SCD5: variants seen among roughly 807,000 people sequenced by gnomAD.
SCD5 encodes the protein acyl-CoA-desaturase 4.
A neutral mutation model predicts 30.4 loss-of-function variants in SCD5; 20 were observed. That is an observed-to-expected ratio of 0.66 (90% CI 0.46 to 0.96). The LOEUF is 0.96. Among genes scored for constraint, SCD5 ranks in the 40% least tolerant of loss-of-function variants. SCD5 has a pLI of 0.00. For missense variants in SCD5, 381 were observed against 443.3 expected, an observed-to-expected ratio of 0.86 and a Z score of 1.26; for synonymous variants, 173 against 176.4, an observed-to-expected ratio of 0.98 and a Z score of 0.16.
chr4:82,661,162 T>C (rs1727996573), intron 3 of SCD5: 3 of 1,197,990 alleles, frequency 2.5e-6, no homozygotes, highest in African/African-American at 3.0e-5. Context: ...CCTGTAGAAA[T>C]TGTGTCAATA....
At chr4:82,683,687 G>A (rs1728629809) in intron 2 of SCD5, among the ~76,000 whole-genome samples, 2 of 152,212 alleles carry the variant, frequency 1.3e-5, no homozygotes, top group African/African-American at 2.4e-5. Context: ...TTGAGGGAAG[G>A]ACCTGGTGGG....
At chr4:82,645,228 C>T (rs778504064) in intron 3 of SCD5, among the ~76,000 whole-genome samples, 1 of 151,722 alleles carries the variant, frequency 6.6e-6, no homozygotes, top group Non-Finnish European at 1.5e-5. Flanking sequence ...GCAGTAGGAT[C>T]GCTTGAACCC....
At chr4:82,738,926 C>T (rs1720810771) in intron 1 of SCD5, among the ~76,000 whole-genome samples, 1 of 152,170 alleles carries the variant, frequency 6.6e-6, no homozygotes, top group African/African-American at 2.4e-5. Context: ...GCCAAGATCA[C>T]CCAGCTAGTA....
At chr4:82,685,488 G>A (rs1379411161) in intron 2 of SCD5, among the ~76,000 whole-genome samples, 1 of 152,110 alleles carries the variant, frequency 6.6e-6, no homozygotes, top group African/African-American at 2.4e-5. Context: ...CGAGGTGGGC[G>A]AACCACCTGA....
Position 82,680,910 on chromosome 4 carries a change from A to G in SCD5, c.366T>C (p.Asn122=). Residue 122 remains asparagine (N), a splice_region_variant and synonymous_variant, in exon 3 of 5, where the codon AAT becomes AAC. Transcript: ENST00000319540. ...LAVANSMAFQ[N]DIFEWSRDHR... is the part of the protein sequence containing the mutation. Reference sequence around the variant, plus strand: ...GGTCCCTGGACCACTCGAAGATGTCATTCTGCAGAGAGAATGAGAGCCTGA... The same window carrying G: ...GGTCCCTGGACCACTCGAAGATGTCGTTCTGCAGAGAGAATGAGAGCCTGA... The G allele has an allele frequency of 6.2e-7, 1 of 1,611,478 alleles. No homozygotes were observed.
chr4:82,717,379 CCTCT>C (rs990288207), intron 1 of SCD5, among the ~76,000 whole-genome samples: 1 of 151,586 alleles, frequency 6.6e-6, no homozygotes. Flanking sequence ...CCCATCACAA[CCTCT>C]CTCTCTCCAT....
chr4:82,706,454 A>G (rs1719970646), intron 1 of SCD5, among the ~76,000 whole-genome samples: 1 of 152,250 alleles, frequency 6.6e-6, no homozygotes, highest in Admixed American at 6.5e-5. Flanking sequence ...GTCTATCCCT[A>G]TGGCACCAAC....
chr4:82,687,663 G>C (rs1010261233), intron 2 of SCD5, among the ~76,000 whole-genome samples: 19 of 152,144 alleles, frequency 1.2e-4, no homozygotes, highest in Non-Finnish European at 2.2e-4. Flanking sequence ...ATCCATGATT[G>C]ATAACATACC....
At chr4:82,787,975 T>C (rs1376502014) in intron 1 of SCD5, among the ~76,000 whole-genome samples, 1 of 152,196 alleles carries the variant, frequency 6.6e-6, no homozygotes, top group Non-Finnish European at 1.5e-5. Context: ...AGTTCGTGGT[T>C]AGAGTAAGCT....
At chr4:82,747,006 G>A (rs1721002734) in intron 1 of SCD5, among the ~76,000 whole-genome samples, 1 of 151,656 alleles carries the variant, frequency 6.6e-6, no homozygotes. Context: ...AGCAACAGTG[G>A]AATGACACAG....
chr4:82,789,490 A>T (rs1289066676), intron 1 of SCD5, among the ~76,000 whole-genome samples: 1 of 152,152 alleles, frequency 6.6e-6, no homozygotes, highest in African/African-American at 2.4e-5. Flanking sequence ...GAGGTCTGAG[A>T]TTTGTTTTCT....
At chr4:82,733,024 C>T (rs1221573202) in intron 1 of SCD5, among the ~76,000 whole-genome samples, 4 of 152,162 alleles carry the variant, frequency 2.6e-5, no homozygotes, top group South Asian at 2.1e-4. Flanking sequence ...CATGGACCAG[C>T]CACTGTCCTA....
intron 1 of SCD5, among the ~76,000 whole-genome samples, chr4:82,771,024 G>T (rs1458535983): frequency 6.6e-6 from 1 of 152,178 alleles, no homozygotes; most frequent in African/African-American, 2.4e-5. Context: ...GGAGTGCAGT[G>T]GCACAATCAC....
chr4:82,699,563 GT>G (rs1194595349), intron 2 of SCD5, among the ~76,000 whole-genome samples: 1 of 28,894 alleles, frequency 3.5e-5, no homozygotes, highest in Non-Finnish European at 5.8e-5. Context: ...TTTGTTTTTT[GT>G]TTTTTGTTTT....
intron 2 of SCD5, among the ~76,000 whole-genome samples, chr4:82,682,955 A>G (rs1477600422): frequency 6.6e-6 from 1 of 151,912 alleles, no homozygotes; most frequent in Non-Finnish European, 1.5e-5. Flanking sequence ...AGGTGGGATT[A>G]TAAATGTGCG....
At chr4:82,725,317 T>C (rs1720446797) in intron 1 of SCD5, among the ~76,000 whole-genome samples, 1 of 152,134 alleles carries the variant, frequency 6.6e-6, no homozygotes, top group Non-Finnish European at 1.5e-5. Context: ...GTGAATTCAG[T>C]TCAAGCCCAA....
At chr4:82,656,257 C>T (rs908455313) in intron 3 of SCD5, among the ~76,000 whole-genome samples, 5 of 152,086 alleles carry the variant, frequency 3.3e-5, no homozygotes, top group Admixed American at 2.0e-4. Flanking sequence ...AGCATCCCCC[C>T]ACAACCCCCC....
rs183455191 is a variant in SCD5 at position 82,730,826 on chromosome 4, C to T, written c.233-25413G>A. Among the ~76,000 whole-genome samples the T allele has an allele frequency of 9.1e-4, 139 of 152,228 alleles. 2 individuals are homozygous for T. The highest frequency in any genetic ancestry group is 8.6e-3 in the Admixed American group (132 of 15,292). ...GTCTCGGTCTCCTGACCTCGTAATC[C>T]GCTTGCCTCGGCCTCCCAAAGTGCT... On this transcript the variant is annotated intron_variant, in intron 1 of 4. Coordinates refer to ENST00000319540, the MANE Select transcript of SCD5 (RefSeq NM_001037582.3).
chr4:82,667,716 A>G (rs1728221213), intron 3 of SCD5, among the ~76,000 whole-genome samples: 2 of 152,248 alleles, frequency 1.3e-5, no homozygotes, highest in African/African-American at 4.8e-5. Context: ...AATTTTTGCC[A>G]ACTACAGCTG....
Sources: gnomAD v4.1 joint callset for allele counts (sites outside exome capture counted in the v4.1 genomes callset) on GRCh38, gnomAD v4.1.1 for gene constraint, MANE v1.5 for transcripts, NCBI Gene and HGNC (gene_info 2026-07-23, HGNC 2026-07-21) for gene names.